The following ADD2 variants were observed in gnomAD, a reference collection of about 807,000 sequenced individuals.
The protein encoded by ADD2 is adducin 2, also known as beta-adducin.
A neutral mutation model predicts 83.0 loss-of-function variants in ADD2; 23 were observed. The ratio of observed to expected loss-of-function variants is 0.28; its 90% CI spans 0.20 to 0.39. The LOEUF is 0.39. Among genes scored for constraint, ADD2 ranks in the 10% least tolerant of loss-of-function variants. The pLI is 1.00. For synonymous variants in ADD2, 375 were observed against 375.4 expected (o/e 1.00, Z 0.01); for missense variants, 758 against 944.9 (o/e 0.80, Z 2.59).
At chr2:70,760,519 A>C (rs1222657408) in intron 1 of ADD2, 1 of 152,254 alleles carries the variant, frequency 6.6e-6, no homozygotes. Context: ...AATTTTTTAA[A>C]GTTTCAGAGA....
At chr2:70,763,746 T>C (rs1553385439) in intron 1 of ADD2, among the ~76,000 whole-genome samples, 1 of 151,978 alleles carries the variant, frequency 6.6e-6, no homozygotes, top group African/African-American at 2.4e-5. Context: ...ATATATTTAT[T>C]CCTATATTAT....
chr2:70,713,880 G>A (rs1253127930), intron 1 of ADD2, among the ~76,000 whole-genome samples: 5 of 152,040 alleles, frequency 3.3e-5, no homozygotes, highest in African/African-American at 1.2e-4. Flanking sequence ...GCTAATGTGA[G>A]TGATGTTTGG....
intron 1 of ADD2, among the ~76,000 whole-genome samples, chr2:70,719,638 C>A (rs953766858): frequency 4.6e-5 from 7 of 152,140 alleles, no homozygotes; most frequent in African/African-American, 1.7e-4. Context: ...GTAAAAAGGT[C>A]AAACTTGGAA....
chr2:70,673,172 TCTGCTA>T, intron 14 of ADD2, 166 bp from the exon 15 acceptor site: 1 of 1,583,546 alleles, frequency 6.3e-7, no homozygotes, highest in Non-Finnish European at 8.7e-7. Flanking sequence ...TTCTTAGATT[TCTGCTA>T]CTTCCCTGGG....
Position 70,706,283 on chromosome 2 carries a change from CCGCAGGTCCGCCGCCCGGTTG to C in ADD2, c.105_125del (p.Asn36_Arg42del). On this transcript the variant is annotated inframe_deletion, in exon 3 of 16. Coordinates refer to ENST00000264436, the MANE Select transcript of ADD2 (RefSeq NM_001617.4). This position sits in a 1 kb window ranked among gnomAD's most constrained non-coding sequence, Gnocchi z 5.0. ...TCTGCTCCATCAGGTTGAAGTCCTGCCGCAGGTCCGCCGCCCGGTTGCGAAGGCGCATGTACTCGGGGTCGT... is the reference window on the plus strand; with the variant it reads ...TCTGCTCCATCAGGTTGAAGTCCTGCCGAAGGCGCATGTACTCGGGGTCGT... 2 of 1,614,122 alleles carry C rather than the reference CCGCAGGTCCGCCGCCCGGTTG, an allele frequency of 1.2e-6. No individual in the cohort carries two copies. The highest frequency in any genetic ancestry group is 1.7e-6 in the Non-Finnish European group (2 of 1,180,010).
chr2:70,734,837 G>C (rs1673448056), intron 1 of ADD2, among the ~76,000 whole-genome samples: 1 of 152,170 alleles, frequency 6.6e-6, no homozygotes, highest in African/African-American at 2.4e-5. Context: ...ACCTATTTGA[G>C]TAAGTGTGTT....
At chr2:70,674,082 G>T (rs1218540198) in intron 14 of ADD2, among the ~76,000 whole-genome samples, 1 of 152,182 alleles carries the variant, frequency 6.6e-6, no homozygotes, top group Non-Finnish European at 1.5e-5. Context: ...AATTTGGGTG[G>T]AGTAGAGAGG....
intron 1 of ADD2, among the ~76,000 whole-genome samples, chr2:70,721,490 C>T (rs140474055): frequency 7.9e-5 from 12 of 152,288 alleles, no homozygotes; most frequent in African/African-American, 2.9e-4. Context: ...CTTTTGAGTC[C>T]TACAGATCAT....
At chr2:70,673,097 T>C (rs1669976540) in intron 14 of ADD2, 91 bp from the exon 15 acceptor site, 5 of 1,546,894 alleles carry the variant, frequency 3.2e-6, no homozygotes, top group Admixed American at 3.8e-5. Flanking sequence ...CTTTTTTCTA[T>C]TTGGTCATCA....
At chr2:70,671,263 C>T (rs1203796415) in intron 15 of ADD2, among the ~76,000 whole-genome samples, 3 of 152,074 alleles carry the variant, frequency 2.0e-5, no homozygotes, top group African/African-American at 4.8e-5. Flanking sequence ...CGGGAGTGCC[C>T]GAGAGTTGGC....
chr2:70,691,023 G>GGTGGGGGGTGAGGA, intron 7 of ADD2, 94 bp from the exon 8 acceptor site: 1 of 1,428,376 alleles, frequency 7.0e-7, no homozygotes, highest in Non-Finnish European at 9.3e-7. Context: ...GCCAGTGAGG[G>GGTGGGGGGTGAGGA]GTGAGGGGTG....
At chr2:70,698,819 T>C (rs1231183596) in intron 4 of ADD2, among the ~76,000 whole-genome samples, 1 of 152,028 alleles carries the variant, frequency 6.6e-6, no homozygotes, top group Admixed American at 6.5e-5. Flanking sequence ...AACTGAGCCA[T>C]TTAGTCAAAG....
intron 2 of ADD2, among the ~76,000 whole-genome samples, chr2:70,710,057 CTCA>C (rs1329936669): frequency 6.6e-6 from 1 of 152,170 alleles, no homozygotes; most frequent in Non-Finnish European, 1.5e-5. Flanking sequence ...TGTTTAGTGA[CTCA>C]TCATAGTAAA....
intron 1 of ADD2, among the ~76,000 whole-genome samples, chr2:70,756,009 A>T (rs1674761257): frequency 6.6e-6 from 1 of 151,134 alleles, no homozygotes; most frequent in African/African-American, 2.4e-5. Flanking sequence ...CAGTGAGCCG[A>T]GATCACGCCA....
intron 1 of ADD2, among the ~76,000 whole-genome samples, chr2:70,764,725 A>G (rs553838887): frequency 6.6e-6 from 1 of 151,868 alleles, no homozygotes; most frequent in Non-Finnish European, 1.5e-5. Flanking sequence ...TCCCGGCTAC[A>G]GGGAACTATG....
At chr2:70,689,915 A>G (rs2104312589) in intron 8 of ADD2, among the ~76,000 whole-genome samples, 1 of 152,242 alleles carries the variant, frequency 6.6e-6, no homozygotes, top group South Asian at 2.1e-4. Flanking sequence ...CTCATATCCT[A>G]GACATGGGGT....
Position 70,702,492 on chromosome 2 carries a change from G to A in ADD2, c.322+1829C>T, listed in dbSNP as rs183101478. 6.0e-4 allele frequency among the ~76,000 whole-genome samples: 92 copies of A among 152,264 alleles called. 2 individuals are homozygous for A. The highest frequency in any genetic ancestry group is 6.0e-3 in the Admixed American group (92 of 15,284). ...TAAAGTTATTGTAAAGAATAAACTT[G>A]TACAAACAGTTGAGGAAAATTGACA... On this transcript the variant is annotated intron_variant, in intron 4 of 15. Coordinates refer to ENST00000264436, the MANE Select transcript of ADD2 (RefSeq NM_001617.4).
chr2:70,659,144 C>T lies in ADD2; in HGVS notation c.*4281G>A. On this transcript the variant is annotated 3_prime_UTR_variant, in exon 16 of 16. Coordinates refer to ENST00000264436, the MANE Select transcript of ADD2 (RefSeq NM_001617.4). ...TGGGCAACAAAGAGCAAAGCTCCGT[C>T]TAAAAAAAAAAAAAAAAAAAAAAAA... 1 of 32,396 alleles carries T rather than the reference C, an allele frequency of 3.1e-5. No homozygotes were observed. Among genetic ancestry groups the T allele is most frequent in the East Asian group, 1.1e-3 (1 of 884 alleles). The allele number at this position is 32,396 out of a possible 1,614,324, so 2.0% of individuals were successfully genotyped here.
At chr2:70,764,577 C>T (rs1675284193) in intron 1 of ADD2, among the ~76,000 whole-genome samples, 1 of 151,964 alleles carries the variant, frequency 6.6e-6, no homozygotes, top group African/African-American at 2.4e-5. Flanking sequence ...TTCAGCCTTG[C>T]CATCAAGATG....
Sources: gnomAD v4.1 joint callset for allele counts (sites outside exome capture counted in the v4.1 genomes callset) on GRCh38, gnomAD v4.1.1 for gene constraint, Gnocchi (gnomAD v3.1) non-coding constraint, MANE v1.5 for transcripts, NCBI Gene and HGNC (gene_info 2026-07-23, HGNC 2026-07-21) for gene names.